Variants in MCM8 observed in about 807,000 individuals in gnomAD.
The protein encoded by MCM8 is minichromosome maintenance 8 homologous recombination repair factor.
A neutral mutation model predicts 98.9 loss-of-function variants in MCM8; 85 were observed. The observed-to-expected ratio is 0.86, with a 90% CI of 0.72 to 1.03. The LOEUF is 1.03. Ranked by LOEUF, MCM8 falls within the 50% of genes least tolerant of loss-of-function variation. MCM8 has a pLI of 0.00. For synonymous variants in MCM8, 352 were observed against 338.6 expected (o/e 1.04, Z -0.44); for missense variants, 951 against 997.8 (o/e 0.95, Z 0.63).
rs192842873 is a variant in MCM8, at chr20:5,961,065, T to C, written c.790-2209T>C. On this transcript the variant is annotated intron_variant, in intron 7 of 18. Coordinates refer to ENST00000610722, the MANE Select transcript of MCM8 (RefSeq NM_032485.6). The stretch of plus-strand genomic sequence containing the variant: ...TTTTGTCCATCTGGAATTTAAGCCA[T>C]TGGTGAAGGGCATAAAACTAGGGAT... Among the ~76,000 whole-genome samples the C allele has an allele frequency of 9.2e-5, 14 of 152,330 alleles. 1 individual carries two copies. Among genetic ancestry groups the C allele is most frequent in the Admixed American group, 5.2e-4 (8 of 15,308 alleles).
Position 5,986,001 on chromosome 20 carries a change from A to G in MCM8, c.2033A>G (p.Tyr678Cys), listed in dbSNP as rs61752705. 2 of 1,614,100 alleles carry G rather than the reference A, an allele frequency of 1.2e-6. No homozygotes were observed. The highest frequency in any genetic ancestry group is 1.7e-6 in the Non-Finnish European group (2 of 1,180,052). ...KYIGYARQYV[Y>C]PRLSTEAARV... ...ATTGGCTATGCTCGGCAGTATGTGT[A>G]CCCAAGGCTATCCACAGAAGCTGCT... Residue 678 changes from tyrosine to cysteine, a missense_variant, in exon 16 of 19, where the codon TAC becomes TGC. Transcript: ENST00000610722.
rs188695317 is a variant in MCM8 at position 5,993,853 on chromosome 20, C to T, written c.2430+158C>T. ...GTCAGAGGGAAACATTGTAGTAAGACAGTCTCTATGTTTTTCTGACTGTCT... is the reference window on the plus strand; with the variant it reads ...GTCAGAGGGAAACATTGTAGTAAGATAGTCTCTATGTTTTTCTGACTGTCT... On this transcript the variant is annotated intron_variant, in intron 18 of 18. Transcript: ENST00000610722. 9.1e-4 allele frequency: 509 copies of T among 560,128 alleles called. 1 individual carries two copies. The highest frequency in any genetic ancestry group is 9.0e-3 in the African/African-American group (485 of 53,632). The allele number at this position is 560,128 out of a possible 1,614,324, so 34.7% of individuals were successfully genotyped here. A position where few individuals can be genotyped will look rare whatever the true frequency, so the allele number is the denominator to read the frequency against.
At position 5,994,567 on chromosome 20, in the gene MCM8, A is replaced by T. The variant is rs2089923243; in HGVS notation, c.*176A>T. On this transcript the variant is annotated 3_prime_UTR_variant, in exon 19 of 19. Coordinates refer to ENST00000610722, the MANE Select transcript of MCM8 (RefSeq NM_032485.6). The stretch of plus-strand genomic sequence containing the variant: ...AAAAATGATGTCCCAAAAGTATTAT[A>T]ATAGGAAAAAAGCATTAAATATAAT... 2 of 562,718 alleles carry T rather than the reference A, an allele frequency of 3.6e-6. No individual in the cohort carries two copies. Among genetic ancestry groups the T allele is most frequent in the South Asian group, 4.6e-5 (2 of 43,454 alleles). 34.9% of individuals were successfully genotyped at this position (562,718 alleles called of 1,614,324 possible). A position where few individuals can be genotyped will look rare whatever the true frequency, so the allele number is the denominator to read the frequency against.
chr20:5,977,800 C>T (rs964438944), intron 12 of MCM8, 76 bp from the exon 13 acceptor site: 45 of 1,520,898 alleles, frequency 3.0e-5, no homozygotes, highest in East Asian at 6.8e-5. Flanking sequence ...ATATACCTAA[C>T]GTTTGTGAGC....
intron 7 of MCM8, among the ~76,000 whole-genome samples, chr20:5,961,212 T>TA (rs2089134787): frequency 6.6e-6 from 1 of 152,154 alleles, no homozygotes; most frequent in East Asian, 1.9e-4. Context: ...CCCCATCTCT[T>TA]AAAAAAACAA....
At chr20:5,955,722 G>A (rs561993576) in intron 5 of MCM8, among the ~76,000 whole-genome samples, 1 of 151,740 alleles carries the variant, frequency 6.6e-6, no homozygotes, top group Non-Finnish European at 1.5e-5. Flanking sequence ...TTTTTTTCAG[G>A]GTCAGGTAAT....
chr20:5,963,911 A>G (rs1266371827), intron 8 of MCM8, among the ~76,000 whole-genome samples: 5 of 152,220 alleles, frequency 3.3e-5, no homozygotes, highest in African/African-American at 7.2e-5. Context: ...TGTCCTAATG[A>G]GAAATAGTTG....
At chr20:5,969,611 G>A (rs898956771) in intron 10 of MCM8, among the ~76,000 whole-genome samples, 1 of 146,268 alleles carries the variant, frequency 6.8e-6, no homozygotes, top group East Asian at 2.0e-4. Flanking sequence ...AAAAAAAAAA[G>A]TGATTTTGTC....
At chr20:5,954,563 G>A (rs374692562) in intron 3 of MCM8, 45 bp from the exon 4 acceptor site, 28 of 1,099,562 alleles carry the variant, frequency 2.5e-5, no homozygotes, top group African/African-American at 2.3e-4. Context: ...AAATGTGCAT[G>A]TACCTGTGTG....
Position 5,986,033 on chromosome 20 carries a change from C to G in MCM8, c.2065C>G (p.Leu689Val). 1 of 1,614,194 alleles carries G rather than the reference C, an allele frequency of 6.2e-7. No homozygotes were observed. The highest frequency in any genetic ancestry group is 1.6e-4 in the Middle Eastern group (1 of 6,062). Reference sequence around the variant, plus strand: ...GCTATCCACAGAAGCTGCTCGAGTTCTTCAAGATTTTTACCTTGAGCTCCG... The same window carrying G: ...GCTATCCACAGAAGCTGCTCGAGTTGTTCAAGATTTTTACCTTGAGCTCCG... ...PRLSTEAARV[L>V]QDFYLELRKQ... is the part of the protein sequence containing the mutation. Residue 689 changes from leucine (L) to valine (V), a missense_variant, in exon 16 of 19, where the codon CTT (leucine) becomes GTT (valine). Leu to Val is a conservative substitution (Grantham distance 32, BLOSUM62 1). Transcript: ENST00000610722.
rs6117023 is a variant in MCM8, at chr20:5,981,070, G to A, written c.1538-1900G>A. ...AAAGCCCAAGAATATGTAAGGTTGTGCATGGCCTGTGAAACTTAAAATATA... is the reference window on the plus strand; with the variant it reads ...AAAGCCCAAGAATATGTAAGGTTGTACATGGCCTGTGAAACTTAAAATATA... On this transcript the variant is annotated intron_variant, in intron 13 of 18. Transcript: ENST00000610722. Among the ~76,000 whole-genome samples, 1,273 of 152,274 alleles carry A rather than the reference G, an allele frequency of 8.4e-3. 15 individuals are homozygous for A. The highest frequency in any genetic ancestry group is 0.028 in the African/African-American group (1,171 of 41,544).
chr20:5,989,118 G>GTTTTTTTTTTTTTT (rs1568599607), intron 17 of MCM8, among the ~76,000 whole-genome samples: 4 of 94,416 alleles, frequency 4.2e-5, no homozygotes, highest in Non-Finnish European at 3.7e-5. Flanking sequence ...AATAGCGCAA[G>GTTTTTTTTTTTTTT]TCTTTTTTTT....
chr20:5,960,489 AATT>A (rs2089114144), intron 7 of MCM8, among the ~76,000 whole-genome samples: 1 of 152,136 alleles, frequency 6.6e-6, no homozygotes, highest in South Asian at 2.1e-4. Flanking sequence ...TCTAGATACT[AATT>A]ATTGTTGATT....
intron 4 of MCM8, 90 bp from the exon 5 acceptor site, chr20:5,955,012 T>A: frequency 1.1e-6 from 1 of 877,594 alleles, no homozygotes; most frequent in South Asian, 1.7e-5. Flanking sequence ...AAACATTGTA[T>A]GCTTTCTCAA....
chr20:5,977,217 T>C (rs2089530011), intron 12 of MCM8, among the ~76,000 whole-genome samples: 1 of 152,206 alleles, frequency 6.6e-6, no homozygotes, highest in Admixed American at 6.5e-5. Flanking sequence ...TACACGGCAG[T>C]TTTACATTGG....
At chr20:5,967,644 CT>C (rs2089304932) in intron 9 of MCM8, 57 bp downstream of exon 9, 3 of 1,542,934 alleles carry the variant, frequency 1.9e-6, no homozygotes, top group Middle Eastern at 1.7e-4. Context: ...CAACGTTCAT[CT>C]TTTCTAAGAT....
At chr20:5,951,169 A>AGAAG (rs2088812018) in intron 1 of MCM8, 146 bp downstream of exon 1, 1 of 152,156 alleles carries the variant, frequency 6.6e-6, no homozygotes, top group South Asian at 2.1e-4. Flanking sequence ...GTCTCGTTTG[A>AGAAG]GAAGGGTATG....
rs555775087 is a variant in MCM8 at position 5,967,952 on chromosome 20, G to A, written c.1150G>A (p.Glu384Lys). 2.0e-5 allele frequency: 33 copies of A among 1,614,122 alleles called. No homozygotes were observed. In the East Asian group the frequency reaches 7.4e-4, roughly 36 times the overall value. ...TGGGTGTAAGCATGGAATGTTGATG[G>A]AGTTCTCACTTAAAGACCTTTATGC... ...EDGCKHGMLM[E>K]FSLKDLYAIQ... The change falls in exon 10 of 19, where the codon GAG becomes AAG. Residue 384 changes from glutamate (E) to lysine (K), a missense_variant. By Grantham distance (56) the Glu-to-Lys change is moderately conservative. Coordinates refer to ENST00000610722, the MANE Select transcript of MCM8 (RefSeq NM_032485.6).
At chr20:5,951,757 C>T (rs572464137) in intron 1 of MCM8, among the ~76,000 whole-genome samples, 1 of 152,204 alleles carries the variant, frequency 6.6e-6, no homozygotes, top group South Asian at 2.1e-4. Flanking sequence ...TTATTTTTAA[C>T]CTGTGAGCGT....
Sources: allele counts gnomAD v4.1 joint callset (sites outside exome capture counted in the v4.1 genomes callset), GRCh38; gene constraint gnomAD v4.1.1; transcripts MANE v1.5; gene names NCBI Gene and HGNC (gene_info 2026-07-23, HGNC 2026-07-21).